MIB1: variants seen among roughly 807,000 people sequenced by gnomAD.
The protein encoded by MIB1 is MIB E3 ubiquitin protein ligase 1.
A neutral mutation model predicts 124.5 loss-of-function variants in MIB1; 278 were observed. The ratio of observed to expected loss-of-function variants is 2.23; its 90% CI spans 2.02 to 2.47. The LOEUF is 2.47. MIB1 is among the 30% of genes most tolerant of loss of function. MIB1 has a pLI of 0.00. For synonymous variants in MIB1, 446 were observed against 429.4 expected, an observed-to-expected ratio of 1.04 and a Z score of -0.48; for missense variants, 957 against 1,254.4, an observed-to-expected ratio of 0.76 and a Z score of 3.58.
At chr18:21,858,814 T>C (rs62090825) in intron 20 of MIB1, among the ~76,000 whole-genome samples, 168 bp downstream of exon 20, 21 of 152,302 alleles carry the variant, frequency 1.4e-4, no homozygotes, top group Non-Finnish European at 2.5e-4. Context: ...TCAGGTACTT[T>C]CCAAAATAGG....
chr18:21,771,342 T>C (rs1432062257), intron 3 of MIB1, among the ~76,000 whole-genome samples: 1 of 152,264 alleles, frequency 6.6e-6, no homozygotes, highest in Non-Finnish European at 1.5e-5. Flanking sequence ...AAATTTGATT[T>C]AAAATTTGTC....
chr18:21,768,094 A>G (rs763295281), intron 2 of MIB1, among the ~76,000 whole-genome samples: 1 of 152,218 alleles, frequency 6.6e-6, no homozygotes, highest in Non-Finnish European at 1.5e-5. Context: ...TCTGAGGTCA[A>G]GTGCCATTTG....
chr18:21,848,732 G>A (rs1176241409), intron 16 of MIB1, among the ~76,000 whole-genome samples: 1 of 152,182 alleles, frequency 6.6e-6, no homozygotes, highest in African/African-American at 2.4e-5. Flanking sequence ...AACAGCAGCT[G>A]AAGTGTTAAA....
At chr18:21,746,038 T>C (rs2040909171) in intron 1 of MIB1, among the ~76,000 whole-genome samples, 1 of 152,166 alleles carries the variant, frequency 6.6e-6, no homozygotes, top group Admixed American at 6.6e-5. Flanking sequence ...CATATTTTTG[T>C]ACTTAATTTA....
intron 6 of MIB1, among the ~76,000 whole-genome samples, chr18:21,785,498 A>C (rs1458903907): frequency 6.6e-6 from 1 of 152,238 alleles, no homozygotes; most frequent in Non-Finnish European, 1.5e-5. Flanking sequence ...AAGGAAAACT[A>C]AAAGACTCTA....
intron 6 of MIB1, among the ~76,000 whole-genome samples, chr18:21,780,233 T>G (rs937238678): frequency 6.6e-6 from 1 of 152,224 alleles, no homozygotes; most frequent in Admixed American, 6.5e-5. Context: ...TCACCCCTTC[T>G]TTACATTGGG....
At chr18:21,810,884 G>A (rs2041765905) in intron 10 of MIB1, among the ~76,000 whole-genome samples, 1 of 151,938 alleles carries the variant, frequency 6.6e-6, no homozygotes, top group Non-Finnish European at 1.5e-5. Flanking sequence ...AGACAAATTA[G>A]ACTTCATGAA....
In MIB1 at chr18:21,842,843, T is replaced by C. The variant is rs781548223; in HGVS notation, c.1963-288T>C. Among the ~76,000 whole-genome samples, 5 of 152,342 alleles carry C rather than the reference T, an allele frequency of 3.3e-5. No individual in the cohort carries two copies. The South Asian group carries it at 1.0e-3, about 32-fold the overall frequency. On this transcript the variant is annotated intron_variant, in intron 13 of 20. Transcript: ENST00000261537. Reference sequence around the variant, plus strand: ...TTTATAGTGGAGATTGAAAGAGATCTGTCTTTGAACTCTACTGTGCTTTGT... The same window carrying C: ...TTTATAGTGGAGATTGAAAGAGATCCGTCTTTGAACTCTACTGTGCTTTGT...
intron 3 of MIB1, among the ~76,000 whole-genome samples, chr18:21,773,335 T>C (rs2146417093): frequency 6.6e-6 from 1 of 152,294 alleles, no homozygotes; most frequent in African/African-American, 2.4e-5. Flanking sequence ...ATTTTAAATT[T>C]TCTATCAAAT....
intron 13 of MIB1, 47 bp downstream of exon 13, chr18:21,838,544 C>T (rs976173467): frequency 1.4e-6 from 2 of 1,459,792 alleles, no homozygotes; most frequent in East Asian, 2.4e-5. Flanking sequence ...TTTTTTTAAA[C>T]AATTTGGGAC....
At chr18:21,736,307 TAACA>T (rs948587352), upstream of MIB1, among the ~76,000 whole-genome samples, 1 of 152,064 alleles carries the variant, frequency 6.6e-6, no homozygotes, top group African/African-American at 2.4e-5. Flanking sequence ...GAAGGAAAAC[TAACA>T]AACAGAAAGG....
At chr18:21,829,157 T>C in intron 12 of MIB1, 1 of 414,724 alleles carries the variant, frequency 2.4e-6, no homozygotes, top group Admixed American at 3.5e-5. Context: ...AACATTCAGC[T>C]TACTAATGTA....
chr18:21,860,902 T>C (rs907395057), intron 20 of MIB1, among the ~76,000 whole-genome samples: 70 of 152,196 alleles, frequency 4.6e-4, no homozygotes, highest in African/African-American at 1.6e-3. Flanking sequence ...AGCAGACTGT[T>C]ATGACACATG....
intron 1 of MIB1, among the ~76,000 whole-genome samples, chr18:21,757,571 G>A (rs1370463028): frequency 4.0e-5 from 5 of 125,562 alleles, no homozygotes; most frequent in South Asian, 3.0e-4. Flanking sequence ...TGCAACCTCC[G>A]CCTCCCTGGT....
intron 10 of MIB1, among the ~76,000 whole-genome samples, chr18:21,815,014 TATATATATATATATATA>T (rs2041813467): frequency 8.6e-5 from 1 of 11,576 alleles, no homozygotes; most frequent in African/African-American, 2.3e-4. Context: ...GTTGGTTTTA[TATATATATATATATATA>T]TATATATATA....
At chr18:21,735,628 G>A (rs1040514973) in intron 1 of MIB1, among the ~76,000 whole-genome samples, 1 of 152,222 alleles carries the variant, frequency 6.6e-6, no homozygotes, top group East Asian at 1.9e-4. Flanking sequence ...CCACTGGCTT[G>A]AAATTCTCGC....
chr18:21,717,657 A>T (rs2040695401), intron 1 of MIB1, among the ~76,000 whole-genome samples: 1 of 152,186 alleles, frequency 6.6e-6, no homozygotes, highest in African/African-American at 2.4e-5. Flanking sequence ...CCTCAACATC[A>T]CTAATGGTCA....
chr18:21,724,629 G>A (rs2040729228), intron 1 of MIB1, among the ~76,000 whole-genome samples: 1 of 146,966 alleles, frequency 6.8e-6, no homozygotes, highest in African/African-American at 2.5e-5. Flanking sequence ...TGCTTGAACT[G>A]TGGGGGCGGA....
At chr18:21,828,991 T>A (rs1464460151) in intron 12 of MIB1, 1 of 473,518 alleles carries the variant, frequency 2.1e-6, no homozygotes, top group East Asian at 6.5e-5. Context: ...TAATTCTCCC[T>A]TGGTGGTTTA....
Sources: allele counts gnomAD v4.1 joint callset (sites outside exome capture counted in the v4.1 genomes callset), GRCh38; gene constraint gnomAD v4.1.1; transcripts MANE v1.5; gene names NCBI Gene and HGNC (gene_info 2026-07-23, HGNC 2026-07-21).